Variants in NAALADL2 observed in about 807,000 individuals in gnomAD.
NAALADL2 encodes the protein inactive N-acetylated-alpha-linked acidic dipeptidase-like protein 2.
NAALADL2 carries 76 observed loss-of-function variants against 87.2 expected under a neutral mutation model. The observed-to-expected ratio is 0.87, with a 90% CI of 0.72 to 1.05. The LOEUF (loss-of-function observed/expected upper bound fraction) is 1.05, where lower values mean the gene tolerates loss of function less well. NAALADL2 is among the 50% of genes least tolerant of loss of function. NAALADL2 has a pLI of 0.00. For missense variants in NAALADL2, 1,089 were observed against 945.8 expected (o/e 1.15, Z -1.99); for synonymous variants, 354 against 331.0 (o/e 1.07, Z -0.75).
In NAALADL2 at chr3:174,635,488, G is replaced by C. The variant is rs948847579; in HGVS notation, c.-115+84851G>C. Among the ~76,000 whole-genome samples, 11 of 140,642 alleles carry C rather than the reference G, an allele frequency of 7.8e-5. No homozygotes were observed. In the Admixed American group the frequency reaches 8.3e-4, roughly 11 times the overall value. 92.3% of individuals were successfully genotyped at this position (140,642 alleles called of 152,430 possible). A position where few individuals can be genotyped will look rare whatever the true frequency, so the allele number is the denominator to read the frequency against. ...GTTACATTTTGATATTCACATTGTC[G>C]TTGTGGTGGTGGTTGTGGTTTTTTT... is the stretch of plus-strand genomic sequence containing the variant. On this transcript the variant is annotated intron_variant, in intron 2 of 3. Coordinates refer to the NAALADL2 transcript ENST00000434257.
At chr3:175,701,904 A>G (rs1352222164) in intron 11 of NAALADL2, among the ~76,000 whole-genome samples, 2 of 152,080 alleles carry the variant, frequency 1.3e-5, no homozygotes, top group Non-Finnish European at 2.9e-5. Context: ...TATCAATTGT[A>G]TTATGTGCCT....
intron 5 of NAALADL2, among the ~76,000 whole-genome samples, chr3:175,436,856 T>A (rs1718758817): frequency 1.1e-5 from 1 of 87,758 alleles, no homozygotes; most frequent in Non-Finnish European, 2.3e-5. Context: ...TTAGTTTAAT[T>A]AGATCCCATT....
intron 1 of NAALADL2, among the ~76,000 whole-genome samples, chr3:174,892,887 A>C (rs1323358075): frequency 6.8e-6 from 1 of 146,152 alleles, no homozygotes; most frequent in Admixed American, 7.0e-5. Context: ...ACACCACTGC[A>C]CTCCAGCTTG....
chr3:175,333,933 A>G (rs966466992), intron 5 of NAALADL2, among the ~76,000 whole-genome samples: 3 of 152,200 alleles, frequency 2.0e-5, no homozygotes, highest in African/African-American at 7.2e-5. Context: ...ACAAAATATC[A>G]CATGCATCAC....
intron 11 of NAALADL2, among the ~76,000 whole-genome samples, chr3:175,736,522 A>C (rs1744524785): frequency 6.6e-6 from 1 of 152,232 alleles, no homozygotes; most frequent in African/African-American, 2.4e-5. Flanking sequence ...AAGGAAGCTT[A>C]GAAGAAGGGA....
chr3:174,871,209 C>T (rs2109612821), intron 1 of NAALADL2, among the ~76,000 whole-genome samples: 1 of 152,306 alleles, frequency 6.6e-6, no homozygotes, highest in East Asian at 1.9e-4. Flanking sequence ...AATGATATTT[C>T]CTCTTCAGTG....
intron 9 of NAALADL2, among the ~76,000 whole-genome samples, chr3:175,508,402 A>G (rs1212592688): frequency 6.6e-6 from 1 of 152,104 alleles, no homozygotes; most frequent in Non-Finnish European, 1.5e-5. Context: ...ACCTCCTTAA[A>G]TATTTCCAAA....
intron 1 of NAALADL2, among the ~76,000 whole-genome samples, chr3:174,964,067 G>T (rs1290986746): frequency 2.0e-5 from 3 of 151,438 alleles, no homozygotes; most frequent in African/African-American, 7.3e-5. Flanking sequence ...ACTTTAAAAT[G>T]AGATTTTAAA....
chr3:175,572,224 C>T (rs867908602), intron 9 of NAALADL2, among the ~76,000 whole-genome samples: 32 of 152,014 alleles, frequency 2.1e-4, no homozygotes, highest in Admixed American at 2.1e-3. Flanking sequence ...TGACATGAGG[C>T]GGCTCAAAAG....
intron 9 of NAALADL2, among the ~76,000 whole-genome samples, chr3:175,489,953 C>A (rs886358810): frequency 3.3e-5 from 5 of 152,028 alleles, no homozygotes; most frequent in Non-Finnish European, 5.9e-5. Flanking sequence ...CTAGATTTTT[C>A]TTGGTACCCA....
intron 9 of NAALADL2, among the ~76,000 whole-genome samples, chr3:175,517,303 T>C (rs895321646): frequency 6.6e-6 from 1 of 152,184 alleles, no homozygotes; most frequent in African/African-American, 2.4e-5. Context: ...TTTAAGTGAA[T>C]AATTATTTTT....
intron 2 of NAALADL2, among the ~76,000 whole-genome samples, chr3:175,142,034 T>C (rs73883368): frequency 0.09 from 13,610 of 152,024 alleles, 1,927 homozygotes; most frequent in African/African-American, 0.3. Context: ...AGTTTAGGAG[T>C]TCCAGAAGTC....
At chr3:175,542,494 C>T (rs1399147112) in intron 9 of NAALADL2, among the ~76,000 whole-genome samples, 1 of 152,132 alleles carries the variant, frequency 6.6e-6, no homozygotes, top group Non-Finnish European at 1.5e-5. Context: ...CCTCCATTGT[C>T]CTTGGGTTTC....
At chr3:175,319,806 C>A (rs553902958) in intron 4 of NAALADL2, among the ~76,000 whole-genome samples, 284 of 152,160 alleles carry the variant, frequency 1.9e-3, no homozygotes, top group African/African-American at 6.5e-3. Context: ...GGCGACAGAG[C>A]GAGACTGTGT....
intron 11 of NAALADL2, chr3:175,655,525 A>G (rs146528795): frequency 6.2e-4 from 186 of 299,024 alleles, no homozygotes; most frequent in Non-Finnish European, 9.7e-4. Context: ...TGTGGTATGT[A>G]CTCTATGATT....
chr3:174,847,130 T>A (rs1251795007), intron 3 of NAALADL2, among the ~76,000 whole-genome samples: 1 of 152,214 alleles, frequency 6.6e-6, no homozygotes, highest in African/African-American at 2.4e-5. Context: ...AAATACAATA[T>A]GTTGGGCCAG....
chr3:174,822,947 CAA>C (rs1386040007), intron 3 of NAALADL2, among the ~76,000 whole-genome samples: 1 of 152,100 alleles, frequency 6.6e-6, no homozygotes, highest in Non-Finnish European at 1.5e-5. Flanking sequence ...CACAAATAAA[CAA>C]ATGGGAAAAT....
intron 11 of NAALADL2, among the ~76,000 whole-genome samples, chr3:175,699,880 A>C (rs1267029777): frequency 6.6e-6 from 1 of 152,096 alleles, no homozygotes; most frequent in Non-Finnish European, 1.5e-5. Context: ...TTTAAACAAT[A>C]TTATACTTGT....
intron 2 of NAALADL2, among the ~76,000 whole-genome samples, chr3:174,678,763 G>A (rs1727267755): frequency 6.6e-6 from 1 of 152,034 alleles, no homozygotes. Flanking sequence ...AGATTGTATC[G>A]ATTATTATTG....
Sources: gnomAD v4.1 joint callset for allele counts (sites outside exome capture counted in the v4.1 genomes callset) on GRCh38, gnomAD v4.1.1 for gene constraint, MANE v1.5 for transcripts, NCBI Gene and HGNC (gene_info 2026-07-23, HGNC 2026-07-21) for gene names.